The following DLG2 variants were observed in gnomAD, a reference collection of about 807,000 sequenced individuals.
DLG2 encodes disks large homolog 2.
Under a neutral mutation model 132.5 loss-of-function variants are expected in DLG2, and 45 were observed. The observed-to-expected ratio is 0.34, with a 90% CI of 0.27 to 0.44. DLG2 has a LOEUF of 0.44. DLG2 is among the 20% of genes least tolerant of loss of function. DLG2 has a pLI of 1.00. For missense variants in DLG2, 1,045 were observed against 1,196.9 expected (o/e 0.87, Z 1.87); for synonymous variants, 424 against 419.6 (o/e 1.01, Z -0.13).
chr11:84,266,669 C>T (rs2154361033), intron 7 of DLG2, among the ~76,000 whole-genome samples: 1 of 152,326 alleles, frequency 6.6e-6, no homozygotes, highest in Non-Finnish European at 1.5e-5. Flanking sequence ...CATCACTGAA[C>T]AAATCCTATT....
At chr11:85,242,665 TA>T (rs1353352461) in intron 4 of DLG2, among the ~76,000 whole-genome samples, 8 of 151,780 alleles carry the variant, frequency 5.3e-5, no homozygotes, top group Non-Finnish European at 1.0e-4. Context: ...GTTCTTTATT[TA>T]AAATATTATA....
chr11:84,115,377 G>A (rs752902814), intron 9 of DLG2, among the ~76,000 whole-genome samples: 1 of 152,210 alleles, frequency 6.6e-6, no homozygotes, highest in African/African-American at 2.4e-5. Context: ...GGAGACGGGA[G>A]GTGGAGGTAG....
chr11:83,600,588 T>C (rs1005440457), intron 19 of DLG2, among the ~76,000 whole-genome samples: 23 of 152,160 alleles, frequency 1.5e-4, no homozygotes, highest in Non-Finnish European at 3.2e-4. Flanking sequence ...TCCATGTTCT[T>C]AGTCTAGCAA....
chr11:83,535,189 T>C (rs2141199712), intron 20 of DLG2, among the ~76,000 whole-genome samples: 1 of 152,372 alleles, frequency 6.6e-6, no homozygotes, highest in East Asian at 1.9e-4. Flanking sequence ...TGTATTCTTC[T>C]AAAACTGTTG....
At position 83,698,070 on chromosome 11, in the gene DLG2, T is replaced by G. The variant is rs537334451; in HGVS notation, c.1826-64745A>C. ...ACAAACTTGGATAAGTCATTGAGTC[T>G]CACTTAAGCATCAATGCCATCTGTA... On this transcript the variant is annotated intron_variant, in intron 18 of 27. Coordinates refer to ENST00000376104, the MANE Select transcript of DLG2 (RefSeq NM_001142699.3). Among the ~76,000 whole-genome samples the G allele has an allele frequency of 9.1e-4, 138 of 152,328 alleles. 1 individual carries two copies. Among genetic ancestry groups the G allele is most frequent in the South Asian group, 8.9e-3 (43 of 4,826 alleles).
At chr11:83,932,098 A>G (rs1480522114) in intron 14 of DLG2, among the ~76,000 whole-genome samples, 2 of 152,206 alleles carry the variant, frequency 1.3e-5, no homozygotes, top group African/African-American at 4.8e-5. Context: ...AGTATACCAA[A>G]ACATAACAAA....
chr11:83,865,866 A>G (rs1485602281), intron 16 of DLG2, among the ~76,000 whole-genome samples: 3 of 152,144 alleles, frequency 2.0e-5, no homozygotes, highest in Non-Finnish European at 2.9e-5. Flanking sequence ...CTAAATGGAA[A>G]GCACTACTGA....
chr11:85,433,393 C>G (rs1183469989), intron 3 of DLG2, among the ~76,000 whole-genome samples: 3 of 152,112 alleles, frequency 2.0e-5, no homozygotes, highest in African/African-American at 7.2e-5. Flanking sequence ...AGTCAAAACC[C>G]ACCAGTGTTC....
chr11:85,553,168 T>A (rs892250749), intron 3 of DLG2, among the ~76,000 whole-genome samples: 2 of 151,662 alleles, frequency 1.3e-5, no homozygotes, highest in Non-Finnish European at 3.0e-5. Flanking sequence ...AATTCTTGCC[T>A]TCATGGAGAT....
At chr11:84,145,558 T>C (rs2095047198) in intron 9 of DLG2, among the ~76,000 whole-genome samples, 1 of 152,218 alleles carries the variant, frequency 6.6e-6, no homozygotes, top group East Asian at 1.9e-4. Flanking sequence ...GGTACATGAC[T>C]GTCCTAGCAT....
chr11:84,976,960 A>C (rs1399968454), intron 6 of DLG2, among the ~76,000 whole-genome samples: 1 of 152,176 alleles, frequency 6.6e-6, no homozygotes, highest in African/African-American at 2.4e-5. Flanking sequence ...TAAGAATTCC[A>C]AGAAGTGAAA....
intron 7 of DLG2, among the ~76,000 whole-genome samples, chr11:84,339,054 C>T (rs1260111469): frequency 6.6e-6 from 1 of 152,114 alleles, no homozygotes; most frequent in African/African-American, 2.4e-5. Flanking sequence ...TATTCAAGAG[C>T]TCTATATCTT....
At chr11:84,014,419 G>A (rs2095058467) in intron 11 of DLG2, among the ~76,000 whole-genome samples, 2 of 152,020 alleles carry the variant, frequency 1.3e-5, no homozygotes, top group African/African-American at 2.4e-5. Flanking sequence ...GACCCATGGC[G>A]ACCATTTTAA....
chr11:85,151,542 A>T (rs1353463358), intron 5 of DLG2, among the ~76,000 whole-genome samples: 1 of 152,126 alleles, frequency 6.6e-6, no homozygotes, highest in African/African-American at 2.4e-5. Flanking sequence ...TATATCTTTA[A>T]TCCATCTCGA....
At chr11:85,438,733 T>C (rs1280019191) in intron 3 of DLG2, among the ~76,000 whole-genome samples, 1 of 152,186 alleles carries the variant, frequency 6.6e-6, no homozygotes, top group Non-Finnish European at 1.5e-5. Context: ...TTCTATACAA[T>C]TTTATCATGT....
At chr11:84,616,978 CCTTT>C (rs1354540722) in intron 6 of DLG2, among the ~76,000 whole-genome samples, 3 of 149,538 alleles carry the variant, frequency 2.0e-5, no homozygotes, top group African/African-American at 7.4e-5. Context: ...TCCTCTCTTC[CCTTT>C]CTTTTTTTTT....
chr11:83,823,821 A>G (rs1458089519), intron 17 of DLG2, among the ~76,000 whole-genome samples: 5 of 152,200 alleles, frequency 3.3e-5, no homozygotes, highest in Non-Finnish European at 5.9e-5. Flanking sequence ...GCCTTCGTAT[A>G]CAATGGCTTC....
At chr11:85,572,154 T>A (rs1313670453) in intron 3 of DLG2, among the ~76,000 whole-genome samples, 1 of 152,210 alleles carries the variant, frequency 6.6e-6, no homozygotes, top group East Asian at 1.9e-4. Context: ...GCCAGTTTTT[T>A]ATTTGCTTTT....
intron 6 of DLG2, among the ~76,000 whole-genome samples, chr11:85,013,102 A>C (rs1191752968): frequency 6.6e-6 from 1 of 152,182 alleles, no homozygotes; most frequent in Non-Finnish European, 1.5e-5. Flanking sequence ...AAATGGTTGC[A>C]ATACTTTTTG....
Sources: gnomAD v4.1 joint callset for allele counts (sites outside exome capture counted in the v4.1 genomes callset) on GRCh38, gnomAD v4.1.1 for gene constraint, MANE v1.5 for transcripts, NCBI Gene and HGNC (gene_info 2026-07-23, HGNC 2026-07-21) for gene names.